Variants in PPARGC1A observed in about 807,000 individuals in gnomAD.
The protein encoded by PPARGC1A is peroxisome proliferator-activated receptor gamma coactivator 1-alpha.
Under a neutral mutation model 88.7 loss-of-function variants are expected in PPARGC1A, and 25 were observed. The ratio of observed to expected loss-of-function variants is 0.28; its 90% confidence interval spans 0.21 to 0.39. The LOEUF (loss-of-function observed/expected upper bound fraction) is 0.39, where lower values mean the gene tolerates loss of function less well. PPARGC1A is among the 10% of genes least tolerant of loss of function. The pLI is 1.00. For missense variants in PPARGC1A, 880 were observed against 968.7 expected, an observed-to-expected ratio of 0.91 and a Z score of 1.22; for synonymous variants, 363 against 355.6, an observed-to-expected ratio of 1.02 and a Z score of -0.24.
the PPARGC1A span, among the ~76,000 whole-genome samples, chr4:24,056,498 A>C: frequency 6.6e-6 from 1 of 152,182 alleles, no homozygotes; most frequent in Non-Finnish European, 1.5e-5. Context: ...GCATGTGGCA[A>C]TTTTAGCCAT....
the PPARGC1A span, among the ~76,000 whole-genome samples, chr4:24,002,433 T>G: frequency 2.0e-5 from 3 of 152,094 alleles, no homozygotes; most frequent in African/African-American, 4.8e-5. Flanking sequence ...GCCACACCTC[T>G]CTATGCTTTA....
chr4:24,076,487 T>C, the PPARGC1A span, among the ~76,000 whole-genome samples: 1 of 152,290 alleles, frequency 6.6e-6, no homozygotes, highest in East Asian at 1.9e-4. Flanking sequence ...AATACAAGTT[T>C]ATTGAGTGGG....
chr4:24,151,039 C>T, the PPARGC1A span, among the ~76,000 whole-genome samples: 2 of 152,182 alleles, frequency 1.3e-5, no homozygotes, highest in African/African-American at 4.8e-5. Context: ...TCTACCATTC[C>T]CTGAAGTTTC....
the PPARGC1A span, among the ~76,000 whole-genome samples, chr4:24,230,035 C>T: frequency 6.6e-6 from 1 of 152,166 alleles, no homozygotes; most frequent in Non-Finnish European, 1.5e-5. Flanking sequence ...GGCTGCCCAG[C>T]TCCTCATTCC....
the PPARGC1A span, among the ~76,000 whole-genome samples, chr4:24,304,080 A>G: frequency 6.6e-6 from 1 of 152,192 alleles, no homozygotes; most frequent in Non-Finnish European, 1.5e-5. Context: ...GTTCTGGAAG[A>G]CTCAGTCAAC....
the PPARGC1A span, among the ~76,000 whole-genome samples, chr4:24,314,217 T>A: frequency 6.6e-6 from 1 of 152,200 alleles, no homozygotes; most frequent in Non-Finnish European, 1.5e-5. Context: ...AGCATTTCAC[T>A]TTATCTTTGA....
the PPARGC1A span, among the ~76,000 whole-genome samples, chr4:24,050,203 T>TTG: frequency 2.1e-5 from 3 of 145,200 alleles, no homozygotes; most frequent in Non-Finnish European, 4.6e-5. Flanking sequence ...CCTTTTGTTT[T>TTG]TTTTTTTTTT....
chr4:24,139,860 C>T, the PPARGC1A span, among the ~76,000 whole-genome samples: 1 of 152,170 alleles, frequency 6.6e-6, no homozygotes, highest in Admixed American at 6.5e-5. Context: ...GTCTGTAAAG[C>T]TCTAGTCCAT....
At chr4:24,137,205 T>G in the PPARGC1A span, among the ~76,000 whole-genome samples, 1 of 151,438 alleles carries the variant, frequency 6.6e-6, no homozygotes, top group South Asian at 2.1e-4. Context: ...AAGGAGAGAT[T>G]AGGACACAGA....
chr4:23,859,712 T>C (rs28609907), intron 2 of PPARGC1A, among the ~76,000 whole-genome samples: 58,020 of 150,500 alleles, frequency 0.39, 11,249 homozygotes, highest in Middle Eastern at 0.49. Flanking sequence ...ACCTGGGAGG[T>C]GGAGCTTGCA....
chr4:24,366,541 A>G, the PPARGC1A span, among the ~76,000 whole-genome samples: 1 of 152,154 alleles, frequency 6.6e-6, no homozygotes, highest in Non-Finnish European at 1.5e-5. Context: ...ACCAACAACA[A>G]GCATATTTTC....
At chr4:23,871,534 C>T (rs1431321419) in intron 2 of PPARGC1A, among the ~76,000 whole-genome samples, 1 of 152,204 alleles carries the variant, frequency 6.6e-6, no homozygotes, top group Admixed American at 6.5e-5. Context: ...ATGAAAAATG[C>T]ATGCTGAGAT....
At chr4:23,919,732 T>C in the PPARGC1A span, among the ~76,000 whole-genome samples, 1 of 151,920 alleles carries the variant, frequency 6.6e-6, no homozygotes, top group Non-Finnish European at 1.5e-5. Context: ...CACTAATTGG[T>C]CAGGAGCCCT....
intron 2 of PPARGC1A, among the ~76,000 whole-genome samples, chr4:23,837,931 T>G (rs539621793): frequency 5.9e-5 from 9 of 152,334 alleles, no homozygotes; most frequent in Admixed American, 5.9e-4. Flanking sequence ...GTACAGATTT[T>G]GGTTCTGATG....
At chr4:23,819,117 G>A (rs370180708) in intron 7 of PPARGC1A, among the ~76,000 whole-genome samples, 2 of 151,768 alleles carry the variant, frequency 1.3e-5, no homozygotes, top group Non-Finnish European at 2.9e-5. Context: ...GAGTGCAGAG[G>A]GAAAGCTGAT....
the PPARGC1A span, among the ~76,000 whole-genome samples, chr4:24,418,244 T>C: frequency 6.6e-6 from 1 of 152,038 alleles, no homozygotes; most frequent in South Asian, 2.1e-4. Context: ...GCGTCTGAGG[T>C]TGAGTGAGCT....
chr4:24,059,395 G>A, the PPARGC1A span, among the ~76,000 whole-genome samples: 1 of 152,134 alleles, frequency 6.6e-6, no homozygotes, highest in African/African-American at 2.4e-5. Flanking sequence ...TCACCCAAGT[G>A]TACCGCAGAA....
At chr4:24,254,989 G>C in the PPARGC1A span, among the ~76,000 whole-genome samples, 1 of 152,074 alleles carries the variant, frequency 6.6e-6, no homozygotes. Flanking sequence ...CCCCACTCTT[G>C]CCACTCCAAT....
At chr4:24,445,482 C>A in the PPARGC1A span, among the ~76,000 whole-genome samples, 1 of 152,192 alleles carries the variant, frequency 6.6e-6, no homozygotes, top group South Asian at 2.1e-4. Context: ...TTGGAATACA[C>A]ACAGTGGGTT....
Sources: allele counts gnomAD v4.1 joint callset (sites outside exome capture counted in the v4.1 genomes callset), GRCh38; gene constraint gnomAD v4.1.1; transcripts MANE v1.5; gene names NCBI Gene and HGNC (gene_info 2026-07-23, HGNC 2026-07-21).